Variants in ARHGEF2 observed in about 807,000 individuals in gnomAD.
ARHGEF2 encodes the protein Rho/Rac guanine nucleotide exchange factor 2.
ARHGEF2 carries 22 observed loss-of-function variants against 121.0 expected under a neutral mutation model. That is an observed-to-expected ratio of 0.18 (90% CI 0.13 to 0.26). The LOEUF (loss-of-function observed/expected upper bound fraction) is 0.26, where lower values mean the gene tolerates loss of function less well. Ranked by LOEUF, ARHGEF2 falls within the 10% of genes least tolerant of loss-of-function variation. The pLI is 1.00. For missense variants in ARHGEF2, 907 were observed against 1,336.0 expected, an observed-to-expected ratio of 0.68 and a Z score of 5.01; for synonymous variants, 487 against 530.0, an observed-to-expected ratio of 0.92 and a Z score of 1.11.
At position 155,978,479 on chromosome 1, in the gene ARHGEF2, T is replaced by C; in HGVS notation, c.-52A>G. 1 of 1,392,844 alleles carries C rather than the reference T, an allele frequency of 7.2e-7. No homozygotes were observed. The highest frequency in any genetic ancestry group is 1.5e-5 in the South Asian group (1 of 66,218). 86.3% of individuals were successfully genotyped at this position (1,392,844 alleles called of 1,614,324 possible). A position where few individuals can be genotyped will look rare whatever the true frequency, so the allele number is the denominator to read the frequency against. On this transcript the variant is annotated 5_prime_UTR_variant, in exon 1 of 22. Coordinates refer to ENST00000361247, the MANE Select transcript of ARHGEF2 (RefSeq NM_001162383.2). This position sits in a 1 kb window ranked among gnomAD's most constrained non-coding sequence, Gnocchi z 4.1. ...GCGGCGCGGACCCCGGCGTCCTGTA[T>C]TGTTGGGGGAAGGCGGGGGGAGGGG...
In ARHGEF2 at chr1:155,978,023, C is replaced by A; in HGVS notation, c.63+342G>T. 9.8e-7 allele frequency: 1 copy of A among 1,024,218 alleles called. No homozygotes were observed. Among genetic ancestry groups the A allele is most frequent in the South Asian group, 4.5e-5 (1 of 22,364 alleles). The allele number at this position is 1,024,218 out of a possible 1,614,324, so 63.4% of individuals were successfully genotyped here. A position where few individuals can be genotyped will look rare whatever the true frequency, so the allele number is the denominator to read the frequency against. Reference sequence around the variant, plus strand: ...GAGGTGCCGGAGCTTCCACCGCCCCCACCCGCGAGACACACACCTCCCTCT... The same window carrying A: ...GAGGTGCCGGAGCTTCCACCGCCCCAACCCGCGAGACACACACCTCCCTCT... On this transcript the variant is annotated intron_variant, in intron 1 of 21. Transcript: ENST00000361247. This position sits in a 1 kb window ranked among gnomAD's most constrained non-coding sequence, Gnocchi z 4.1.
In ARHGEF2 at chr1:155,951,036, A is replaced by G; in HGVS notation, c.2496T>C (p.Ala832=). The G allele has an allele frequency of 6.2e-7, 1 of 1,603,194 alleles. No homozygotes were observed. The highest frequency in any genetic ancestry group is 8.5e-7 in the Non-Finnish European group (1 of 1,176,558). ...RRLGEERATE[A]GSLEARLRES... ...CCCGGAGCCGGGCCTCCAGGCTGCCAGCTTCGGTTGCCCGTTCTTCACCTA... is the reference window on the plus strand; with the variant it reads ...CCCGGAGCCGGGCCTCCAGGCTGCCGGCTTCGGTTGCCCGTTCTTCACCTA... Residue 832 remains alanine (A), a synonymous_variant, in exon 20 of 22, where the codon GCT becomes GCC. Transcript: ENST00000361247. This position sits in a 1 kb window ranked among gnomAD's most constrained non-coding sequence, Gnocchi z 5.1.
rs983607404 is a variant in ARHGEF2 at position 155,962,424 on chromosome 1, C to T, written c.1101+169G>A. On this transcript the variant is annotated intron_variant, in intron 9 of 21. Coordinates refer to ENST00000361247, the MANE Select transcript of ARHGEF2 (RefSeq NM_001162383.2). The surrounding 1 kb of genome is among the most constrained non-coding windows in gnomAD (Gnocchi z 5.8). ...AAAAGTACTTGGGAAACTACCACAA[C>T]GTGCTCTAGCATTCTGAGGGGTTAC... The T allele has an allele frequency of 2.8e-5, 31 of 1,116,116 alleles. No individual in the cohort carries two copies. The Middle Eastern group carries it at 1.5e-3, about 55-fold the overall frequency. 69.1% of individuals were successfully genotyped at this position (1,116,116 alleles called of 1,614,324 possible).
Position 155,947,691 on chromosome 1 carries a change from T to A in ARHGEF2, c.*251A>T. ...TAATAAACAATAAATAAATAAATTT[T>A]CCTAAAGTTGCGGGAAGAAGGCATG... On this transcript the variant is annotated 3_prime_UTR_variant, in exon 22 of 22. Coordinates refer to ENST00000361247, the MANE Select transcript of ARHGEF2 (RefSeq NM_001162383.2). 1 of 513,000 alleles carries A rather than the reference T, an allele frequency of 1.9e-6. No individual in the cohort carries two copies. The highest frequency in any genetic ancestry group is 3.5e-6 in the Non-Finnish European group (1 of 287,540). 31.8% of individuals were successfully genotyped at this position (513,000 alleles called of 1,614,324 possible).
chr1:155,950,823 C>T lies in ARHGEF2; in HGVS notation c.2703+6G>A, dbSNP rs1675281581. Reference sequence around the variant, plus strand: ...CAGGTCCATTCACCACTGCAGGCCACCTTACCTGTGGGGGGTTGAAACTCA... The same window carrying T: ...CAGGTCCATTCACCACTGCAGGCCATCTTACCTGTGGGGGGTTGAAACTCA... On this transcript the variant is annotated splice_donor_region_variant and intron_variant, in intron 20 of 21. Coordinates refer to ENST00000361247, the MANE Select transcript of ARHGEF2 (RefSeq NM_001162383.2). This position sits in a 1 kb window ranked among gnomAD's most constrained non-coding sequence, Gnocchi z 5.2. The T allele has an allele frequency of 1.3e-6, 2 of 1,519,556 alleles. No individual in the cohort carries two copies. Among genetic ancestry groups the T allele is most frequent in the African/African-American group, 1.4e-5 (1 of 71,846 alleles). The allele number at this position is 1,519,556 out of a possible 1,614,324, so 94.1% of individuals were successfully genotyped here. A position where few individuals can be genotyped will look rare whatever the true frequency, so the allele number is the denominator to read the frequency against.
intron 7 of ARHGEF2, 138 bp from the exon 8 acceptor site, chr1:155,963,321 G>C: frequency 6.2e-6 from 4 of 646,990 alleles, no homozygotes; most frequent in East Asian, 3.0e-5. Flanking sequence ...TATGATCTTA[G>C]ATACTTTTCT....
Position 155,951,903 on chromosome 1 carries a change from C to A in ARHGEF2, c.2172+16G>T, listed in dbSNP as rs757967121. ...CCCACCCTCTTGCCAAGTCCCAGAACCTCTTGAGGACCTACCCTCTGGCTA... is the reference window on the plus strand; with the variant it reads ...CCCACCCTCTTGCCAAGTCCCAGAAACTCTTGAGGACCTACCCTCTGGCTA... On this transcript the variant is annotated intron_variant, in intron 17 of 21. Coordinates refer to ENST00000361247, the MANE Select transcript of ARHGEF2 (RefSeq NM_001162383.2). The surrounding 1 kb of genome is among the most constrained non-coding windows in gnomAD (Gnocchi z 5.1). 2 of 1,613,970 alleles carry A rather than the reference C, an allele frequency of 1.2e-6. No individual in the cohort carries two copies. The highest frequency in any genetic ancestry group is 1.3e-5 in the African/African-American group (1 of 75,030).
At position 155,957,780 on chromosome 1, in the gene ARHGEF2, C is replaced by T; in HGVS notation, c.1648G>A (p.Glu550Lys). The change falls in exon 13 of 22, where the codon GAG (glutamate) becomes AAG (lysine). Residue 550 changes from glutamate to lysine, a missense_variant. Transcript: ENST00000361247. ...TCATCCCGGGATGCTGTGTGCACCT[C>T]GTACATCTCAGGTGGGGCTGCGCTG... ...LISAAPPEMYEVHTASRDDRS... is the reference protein window; with the variant it reads ...LISAAPPEMYKVHTASRDDRS... The T allele has an allele frequency of 1.9e-6, 3 of 1,614,192 alleles. No individual in the cohort carries two copies. Among genetic ancestry groups the T allele is most frequent in the East Asian group, 2.2e-5 (1 of 44,882 alleles).
intron 1 of ARHGEF2, among the ~76,000 whole-genome samples, chr1:155,976,738 G>A (rs753569091): frequency 8.0e-5 from 12 of 150,380 alleles, no homozygotes; most frequent in Non-Finnish European, 1.6e-4. Context: ...CTCTACTCCA[G>A]GGTCTCAGCT....
Position 155,961,511 on chromosome 1 carries a change from T to C in ARHGEF2, c.1468+150A>G. 1 of 1,125,514 alleles carries C rather than the reference T, an allele frequency of 8.9e-7. No homozygotes were observed. The highest frequency in any genetic ancestry group is 1.3e-6 in the Non-Finnish European group (1 of 793,232). The allele number at this position is 1,125,514 out of a possible 1,614,324, so 69.7% of individuals were successfully genotyped here. A position where few individuals can be genotyped will look rare whatever the true frequency, so the allele number is the denominator to read the frequency against. The stretch of plus-strand genomic sequence containing the variant: ...GGATGGTCTCAATCTCCTGACCTCG[T>C]GATCCGCCCGCCTCGGCCTCCCTAA... On this transcript the variant is annotated intron_variant, in intron 11 of 21. Transcript: ENST00000361247. The surrounding 1 kb of genome is among the most constrained non-coding windows in gnomAD (Gnocchi z 4.7).
Position 155,961,883 on chromosome 1 carries a change from T to C in ARHGEF2, c.1246A>G (p.Thr416Ala). Residue 416 changes from threonine (T) to alanine (A), a missense_variant, in exon 11 of 22, where the codon ACC becomes GCC. Physicochemically the swap from Thr to Ala is moderately conservative, Grantham distance 58. Coordinates refer to ENST00000361247, the MANE Select transcript of ARHGEF2 (RefSeq NM_001162383.2). The surrounding 1 kb of genome is among the most constrained non-coding windows in gnomAD (Gnocchi z 4.7). ...HGIEEERQDL[T>A]TALGLVKELL... ...TCCTTCACTAGCCCCAGTGCTGTGGTCAGGTCCTGGCGCTCCTCCTCGATC... is the reference window on the plus strand; with the variant it reads ...TCCTTCACTAGCCCCAGTGCTGTGGCCAGGTCCTGGCGCTCCTCCTCGATC... 1 of 1,614,140 alleles carries C rather than the reference T, an allele frequency of 6.2e-7. No homozygotes were observed. The highest frequency in any genetic ancestry group is 1.1e-5 in the South Asian group (1 of 91,090).
At position 155,951,545 on chromosome 1, in the gene ARHGEF2, C is replaced by G; in HGVS notation, c.2209-12G>C. The stretch of plus-strand genomic sequence containing the variant: ...CGCTGTAACGCCTCCTGAGGACAGA[C>G]AGGGTGGGAACAGGGCCCCAGCTTT... On this transcript the variant is annotated splice_polypyrimidine_tract_variant and intron_variant, in intron 18 of 21. Coordinates refer to ENST00000361247, the MANE Select transcript of ARHGEF2 (RefSeq NM_001162383.2). This position sits in a 1 kb window ranked among gnomAD's most constrained non-coding sequence, Gnocchi z 5.1. 6.2e-7 allele frequency: 1 copy of G among 1,614,178 alleles called. No homozygotes were observed. Among genetic ancestry groups the G allele is most frequent in the Non-Finnish European group, 8.5e-7 (1 of 1,180,042 alleles).
At chr1:155,958,299 G>A in intron 12 of ARHGEF2, 21 bp downstream of exon 12, 1 of 1,599,496 alleles carries the variant, frequency 6.3e-7, no homozygotes, top group East Asian at 2.2e-5. Context: ...TGCTGAGAAA[G>A]GTGAAGAATG....
rs72708217 is a variant in ARHGEF2, at chr1:155,947,801, T to A, written c.*141A>T. 0.021 allele frequency: 12,456 copies of A among 589,856 alleles called. 179 individuals are homozygous for A. Among genetic ancestry groups the A allele is most frequent in the Non-Finnish European group, 0.029 (9,580 of 328,118 alleles). 36.5% of individuals were successfully genotyped at this position (589,856 alleles called of 1,614,324 possible). ...CCCTAGCTTCTTAAATGGCCCCAGG[T>A]ATCCAAGGATCCCAAGAGCTGGCAA... On this transcript the variant is annotated 3_prime_UTR_variant, in exon 22 of 22. Coordinates refer to ENST00000361247, the MANE Select transcript of ARHGEF2 (RefSeq NM_001162383.2).
intron 1 of ARHGEF2, among the ~76,000 whole-genome samples, chr1:155,971,393 C>T (rs1475083270): frequency 1.3e-5 from 2 of 151,740 alleles, no homozygotes; most frequent in African/African-American, 4.8e-5. Flanking sequence ...GCCTGACCAA[C>T]ATGGTGAAAC....
chr1:155,964,189 T>TATAC (rs1558031484), intron 7 of ARHGEF2, among the ~76,000 whole-genome samples: 8 of 125,512 alleles, frequency 6.4e-5, no homozygotes, highest in African/African-American at 2.0e-4. Context: ...TATATATATA[T>TATAC]ATATATATAC....
intron 1 of ARHGEF2, chr1:155,972,250 C>G (rs1269888387): frequency 2.1e-6 from 1 of 467,656 alleles, no homozygotes. Flanking sequence ...CCTCCCAACA[C>G]TCACCCTCTC....
At chr1:155,953,574 T>A (rs1675952611) in intron 14 of ARHGEF2, among the ~76,000 whole-genome samples, 1 of 151,562 alleles carries the variant, frequency 6.6e-6, no homozygotes, top group South Asian at 2.1e-4. Flanking sequence ...AAACCCTATC[T>A]CTACTAAAAA....
In ARHGEF2 at chr1:155,951,293, G is replaced by T; in HGVS notation, c.2260-21C>A. ...GCTGCCTGGGAGTAGAATGCAGGCA[G>T]AAGGGTTTATCAGAACCCCTGTGCT... On this transcript the variant is annotated intron_variant, in intron 19 of 21. Transcript: ENST00000361247. The surrounding 1 kb of genome is among the most constrained non-coding windows in gnomAD (Gnocchi z 5.1). 6.3e-7 allele frequency: 1 copy of T among 1,587,704 alleles called. No homozygotes were observed. The highest frequency in any genetic ancestry group is 8.6e-7 in the Non-Finnish European group (1 of 1,164,792).
Sources: gnomAD v4.1 joint callset for allele counts (sites outside exome capture counted in the v4.1 genomes callset) on GRCh38, gnomAD v4.1.1 for gene constraint, Gnocchi (gnomAD v3.1) non-coding constraint, MANE v1.5 for transcripts, NCBI Gene and HGNC (gene_info 2026-07-23, HGNC 2026-07-21) for gene names.